The following TNR variants were observed in gnomAD, a reference collection of about 807,000 sequenced individuals.
TNR encodes tenascin-R.
TNR carries 45 observed loss-of-function variants against 150.4 expected under a neutral mutation model. That is an observed-to-expected ratio of 0.30 (90% CI 0.24 to 0.38). The LOEUF is 0.38. Ranked by LOEUF, TNR falls within the 10% of genes least tolerant of loss-of-function variation. The pLI is 1.00. For synonymous variants in TNR, 687 were observed against 678.4 expected (o/e 1.01, Z -0.20); for missense variants, 1,544 against 1,759.1 (o/e 0.88, Z 2.19).
intron 2 of TNR, among the ~76,000 whole-genome samples, chr1:175,446,924 G>A (rs1656077665): frequency 6.6e-6 from 1 of 152,252 alleles, no homozygotes; most frequent in African/African-American, 2.4e-5. Context: ...ATGTATGTGT[G>A]TTGTATGCAT....
At chr1:175,367,735 C>A (rs1221381563) in intron 9 of TNR, among the ~76,000 whole-genome samples, 2 of 152,128 alleles carry the variant, frequency 1.3e-5, no homozygotes, top group Non-Finnish European at 2.9e-5. Flanking sequence ...ATACAAGGAC[C>A]AAGCTACACC....
At chr1:175,443,958 T>C (rs1292611931) in intron 2 of TNR, among the ~76,000 whole-genome samples, 1 of 152,152 alleles carries the variant, frequency 6.6e-6, no homozygotes, top group African/African-American at 2.4e-5. Context: ...GGATTTCTAA[T>C]TGATGTGGGC....
At chr1:175,339,276 GATTA>G (rs1557873468) in intron 18 of TNR, among the ~76,000 whole-genome samples, 1 of 152,226 alleles carries the variant, frequency 6.6e-6, no homozygotes, top group Non-Finnish European at 1.5e-5. Flanking sequence ...TACAGCAAAG[GATTA>G]ATTAATACCT....
At chr1:175,373,812 T>C (rs1030377953) in intron 9 of TNR, among the ~76,000 whole-genome samples, 1 of 152,226 alleles carries the variant, frequency 6.6e-6, no homozygotes, top group Middle Eastern at 3.4e-3. Context: ...TCCCCAGCCT[T>C]TAAGACAAAT....
intron 1 of TNR, among the ~76,000 whole-genome samples, chr1:175,719,426 C>A (rs959100537): frequency 1.3e-5 from 2 of 152,192 alleles, no homozygotes; most frequent in Non-Finnish European, 2.9e-5. Context: ...GTCTTGACTG[C>A]AGAGTTTTGA....
chr1:175,712,922 T>C (rs1381241655), intron 1 of TNR, among the ~76,000 whole-genome samples: 3 of 152,154 alleles, frequency 2.0e-5, no homozygotes, highest in African/African-American at 7.2e-5. Context: ...CAGGGACCTA[T>C]TGCAGTGGGG....
intron 1 of TNR, among the ~76,000 whole-genome samples, chr1:175,681,841 G>A (rs1638462579): frequency 6.6e-6 from 1 of 152,156 alleles, no homozygotes; most frequent in African/African-American, 2.4e-5. Context: ...AGCTAGTTCT[G>A]TTGGCGTCTC....
At chr1:175,440,849 G>A (rs1487671224) in intron 2 of TNR, among the ~76,000 whole-genome samples, 1 of 152,162 alleles carries the variant, frequency 6.6e-6, no homozygotes, top group East Asian at 1.9e-4. Flanking sequence ...ATATGCTACA[G>A]AATAGAGAGG....
chr1:175,646,530 T>C (rs753216191), intron 1 of TNR, among the ~76,000 whole-genome samples: 1 of 152,142 alleles, frequency 6.6e-6, no homozygotes, highest in African/African-American at 2.4e-5. Context: ...AAATACTCAG[T>C]AGAGAAAGGA....
intron 1 of TNR, among the ~76,000 whole-genome samples, chr1:175,563,742 T>C (rs1005159509): frequency 3.3e-5 from 5 of 152,248 alleles, no homozygotes; most frequent in African/African-American, 1.2e-4. Flanking sequence ...TTGGAATGCA[T>C]GAGAAAGACG....
In TNR at chr1:175,359,475, T is replaced by C. The variant is rs934745908; in HGVS notation, c.2974+137A>G. The stretch of plus-strand genomic sequence containing the variant: ...GTTTGGGGATATCTTGAGGGCTTCA[T>C]AGTATACCTGAAGTAGGAACTTTTC... On this transcript the variant is annotated intron_variant, in intron 15 of 22. Coordinates refer to ENST00000367674, the MANE Select transcript of TNR (RefSeq NM_003285.3). 13 of 1,371,470 alleles carry C rather than the reference T, an allele frequency of 9.5e-6. No homozygotes were observed. The African/African-American group carries it at 9.9e-5, about 10-fold the overall frequency. 85.0% of individuals were successfully genotyped at this position (1,371,470 alleles called of 1,614,324 possible).
chr1:175,570,387 C>G (rs1661815357), intron 1 of TNR, among the ~76,000 whole-genome samples: 1 of 152,084 alleles, frequency 6.6e-6, no homozygotes, highest in Non-Finnish European at 1.5e-5. Context: ...TTTTATGAGG[C>G]TAAAAAAGGC....
Position 175,541,627 on chromosome 1 carries a change from G to T in TNR, c.-164-13258C>A, listed in dbSNP as rs549439378. Reference sequence around the variant, plus strand: ...GCAGAGAACCATTACTGAATCTGGGGCTGAAAAAAAAAGACAGTTAAAGCA... The same window carrying T: ...GCAGAGAACCATTACTGAATCTGGGTCTGAAAAAAAAAGACAGTTAAAGCA... On this transcript the variant is annotated intron_variant, in intron 1 of 22. Coordinates refer to ENST00000367674, the MANE Select transcript of TNR (RefSeq NM_003285.3). Among the ~76,000 whole-genome samples, 4 of 151,944 alleles carry T rather than the reference G, an allele frequency of 2.6e-5. No individual in the cohort carries two copies. The South Asian group carries it at 8.3e-4, about 32-fold the overall frequency.
chr1:175,430,429 G>T (rs1209948620), intron 2 of TNR, among the ~76,000 whole-genome samples: 1 of 152,128 alleles, frequency 6.6e-6, no homozygotes, highest in Non-Finnish European at 1.5e-5. Flanking sequence ...TTCTCATATT[G>T]CAGGCTAGGA....
chr1:175,439,583 C>A (rs1011081721), intron 2 of TNR, among the ~76,000 whole-genome samples: 1 of 152,160 alleles, frequency 6.6e-6, no homozygotes, highest in African/African-American at 2.4e-5. Flanking sequence ...TCAGAGTGAA[C>A]AGGCAACCTA....
At chr1:175,598,930 C>G (rs761454473) in intron 1 of TNR, among the ~76,000 whole-genome samples, 5 of 152,176 alleles carry the variant, frequency 3.3e-5, no homozygotes, top group Non-Finnish European at 7.3e-5. Flanking sequence ...GGGCAGAAAT[C>G]CAACGTGTGC....
chr1:175,529,096 T>C (rs1200518423), intron 1 of TNR, among the ~76,000 whole-genome samples: 1 of 152,232 alleles, frequency 6.6e-6, no homozygotes, highest in Non-Finnish European at 1.5e-5. Flanking sequence ...TACGCAGATC[T>C]TCAGCCAGGC....
intron 1 of TNR, among the ~76,000 whole-genome samples, chr1:175,567,594 T>C (rs1262350931): frequency 1.3e-5 from 2 of 152,222 alleles, no homozygotes; most frequent in Admixed American, 1.3e-4. Flanking sequence ...GTTCATGTCA[T>C]ATCAAGAACT....
chr1:175,490,554 G>A (rs1373390723), intron 2 of TNR, among the ~76,000 whole-genome samples: 1 of 152,124 alleles, frequency 6.6e-6, no homozygotes, highest in Non-Finnish European at 1.5e-5. Context: ...TAAAAAGTGG[G>A]CAAAAGACAT....
Sources: gnomAD v4.1 joint callset for allele counts (sites outside exome capture counted in the v4.1 genomes callset) on GRCh38, gnomAD v4.1.1 for gene constraint, MANE v1.5 for transcripts, NCBI Gene and HGNC (gene_info 2026-07-23, HGNC 2026-07-21) for gene names.